Variants in SLC38A1 observed in about 807,000 individuals in gnomAD.
The protein encoded by SLC38A1 is solute carrier family 38 member 1, also known as sodium-coupled neutral amino acid symporter 1.
Under a neutral mutation model 60.3 loss-of-function variants are expected in SLC38A1, and 18 were observed. The observed-to-expected ratio is 0.30, with a 90% CI of 0.21 to 0.44. The LOEUF (loss-of-function observed/expected upper bound fraction) is 0.44, where lower values mean the gene tolerates loss of function less well. SLC38A1 is among the 20% of genes least tolerant of loss of function. The pLI is 1.00. For missense variants in SLC38A1, 448 were observed against 587.2 expected (o/e 0.76, Z 2.45); for synonymous variants, 196 against 212.1 (o/e 0.92, Z 0.66).
At chr12:46,205,878 G>C (rs1242213625) in intron 9 of SLC38A1, among the ~76,000 whole-genome samples, 1 of 152,120 alleles carries the variant, frequency 6.6e-6, no homozygotes, top group Non-Finnish European at 1.5e-5. Flanking sequence ...CAGCTCAGTA[G>C]AGGGATTGTT....
intron 1 of SLC38A1, among the ~76,000 whole-genome samples, chr12:46,266,989 A>G (rs570409901): frequency 1.3e-5 from 2 of 152,284 alleles, no homozygotes; most frequent in South Asian, 4.1e-4. Flanking sequence ...TTGGCATGAG[A>G]CATTTGACAA....
At position 46,197,583 on chromosome 12, in the gene SLC38A1, C is replaced by A; in HGVS notation, c.1362+137G>T. ...CTGATATGATATTTTAAATATCTCC[C>A]AAGTAGCAAAGCTACAGGGCTTCTG... is the stretch of plus-strand genomic sequence containing the variant. On this transcript the variant is annotated intron_variant, in intron 16 of 16. Transcript: ENST00000398637. 4 of 660,626 alleles carry A rather than the reference C, an allele frequency of 6.1e-6. 1 individual carries two copies. The highest frequency in any genetic ancestry group is 5.3e-5 in the South Asian group (3 of 56,766). The allele number at this position is 660,626 out of a possible 1,614,324, so 40.9% of individuals were successfully genotyped here. A position where few individuals can be genotyped will look rare whatever the true frequency, so the allele number is the denominator to read the frequency against.
intron 16 of SLC38A1, among the ~76,000 whole-genome samples, chr12:46,190,088 G>A (rs1939082985): frequency 6.6e-6 from 1 of 151,888 alleles, no homozygotes; most frequent in Non-Finnish European, 1.5e-5. Context: ...CCCTCCCCGG[G>A]CCCCCCACCC....
At chr12:46,250,003 C>G (rs1053576244) in intron 1 of SLC38A1, among the ~76,000 whole-genome samples, 22 of 152,162 alleles carry the variant, frequency 1.4e-4, no homozygotes, top group Non-Finnish European at 2.2e-4. Flanking sequence ...CCCTCATCAT[C>G]TGATACCAAA....
At chr12:46,247,977 G>A (rs1432862140) in intron 1 of SLC38A1, among the ~76,000 whole-genome samples, 2 of 152,132 alleles carry the variant, frequency 1.3e-5, no homozygotes, top group Non-Finnish European at 2.9e-5. Flanking sequence ...TTACAGACAA[G>A]CAAATGCTGA....
chr12:46,229,239 A>G lies in SLC38A1; in HGVS notation c.228T>C (p.Ser76=), dbSNP rs373107483. ...YIPGTTSLGM[S]VFNLSNAIMG... is the part of the protein sequence containing the mutation. ...TAATGGCGTTGCTTAGGTTAAAAAC[A>G]GACATGCCTAAGGAGGTTGTACCTG... The change falls in exon 5 of 17, where the codon TCT becomes TCC. Residue 76 remains serine, a synonymous_variant. Transcript: ENST00000398637. The G allele has an allele frequency of 1.9e-6, 3 of 1,613,114 alleles. No homozygotes were observed. Among genetic ancestry groups the G allele is most frequent in the Non-Finnish European group, 2.5e-6 (3 of 1,179,384 alleles).
chr12:46,229,407 C>T, intron 4 of SLC38A1, 139 bp from the exon 5 acceptor site: 1 of 806,520 alleles, frequency 1.2e-6, no homozygotes, highest in Non-Finnish European at 2.0e-6. Flanking sequence ...CTAGTTATTT[C>T]CTTGAATGGA....
rs1369379223 is a variant in SLC38A1 at position 46,206,234 on chromosome 12, C to A, written c.564-72G>T. The stretch of plus-strand genomic sequence containing the variant: ...TTTTTTCCCCTCCAATGTAAAATTT[C>A]ATGATATCATGATATATATTTTTAT... On this transcript the variant is annotated intron_variant, in intron 8 of 16. Coordinates refer to ENST00000398637, the MANE Select transcript of SLC38A1 (RefSeq NM_030674.4). 4 of 734,844 alleles carry A rather than the reference C, an allele frequency of 5.4e-6. No individual in the cohort carries two copies. In the Admixed American group the frequency reaches 8.0e-5, roughly 15 times the overall value. The allele number at this position is 734,844 out of a possible 1,614,324, so 45.5% of individuals were successfully genotyped here.
chr12:46,225,732 C>G (rs751593828), intron 5 of SLC38A1, among the ~76,000 whole-genome samples: 2 of 152,148 alleles, frequency 1.3e-5, no homozygotes, highest in Non-Finnish European at 2.9e-5. Context: ...GTTTTCCCCC[C>G]ATTCTTGAAG....
intron 1 of SLC38A1, among the ~76,000 whole-genome samples, chr12:46,264,794 A>G (rs1942301916): frequency 6.6e-6 from 1 of 152,114 alleles, no homozygotes; most frequent in Admixed American, 6.5e-5. Context: ...CTGAGTCTCC[A>G]CAGTCCATTA....
chr12:46,236,265 C>G (rs1362280949), intron 3 of SLC38A1, among the ~76,000 whole-genome samples: 2 of 152,084 alleles, frequency 1.3e-5, no homozygotes, highest in Admixed American at 6.5e-5. Flanking sequence ...TAGACCTTGG[C>G]AATGACCTTG....
chr12:46,189,112 A>T, intron 16 of SLC38A1, 41 bp from the exon 17 acceptor site: 1 of 1,540,272 alleles, frequency 6.5e-7, no homozygotes, highest in Non-Finnish European at 9.0e-7. Flanking sequence ...CAGTGCAGCA[A>T]AATTTTTCCA....
At chr12:46,209,558 T>A (rs116787848) in intron 5 of SLC38A1, among the ~76,000 whole-genome samples, 316 of 152,300 alleles carry the variant, frequency 2.1e-3, no homozygotes, top group African/African-American at 7.3e-3. Flanking sequence ...TTGCTTAACA[T>A]TCCCATCTCT....
chr12:46,230,280 G>T (rs1229943602), intron 3 of SLC38A1, among the ~76,000 whole-genome samples: 1 of 152,212 alleles, frequency 6.6e-6, no homozygotes, highest in Admixed American at 6.5e-5. Flanking sequence ...ACGGGGGTAG[G>T]TAATAAGTGA....
At chr12:46,256,114 C>T (rs1423235038) in intron 1 of SLC38A1, among the ~76,000 whole-genome samples, 1 of 145,070 alleles carries the variant, frequency 6.9e-6, no homozygotes, top group Non-Finnish European at 1.5e-5. Context: ...TACAGTGAAT[C>T]GAGATCACGC....
intron 3 of SLC38A1, among the ~76,000 whole-genome samples, chr12:46,235,783 A>T (rs1287467398): frequency 1.3e-5 from 2 of 152,220 alleles, no homozygotes; most frequent in Non-Finnish European, 2.9e-5. Flanking sequence ...GAATTCTTTT[A>T]AAAACAAATC....
chr12:46,226,641 T>C (rs1203520972), intron 5 of SLC38A1, among the ~76,000 whole-genome samples: 2 of 85,776 alleles, frequency 2.3e-5, no homozygotes, highest in East Asian at 5.4e-4. Context: ...TTTTTTTTTT[T>C]TGAGACGGAA....
intron 1 of SLC38A1, among the ~76,000 whole-genome samples, chr12:46,262,208 C>T (rs971134560): frequency 2.0e-5 from 3 of 152,178 alleles, no homozygotes; most frequent in African/African-American, 7.2e-5. Context: ...CCCATATGAT[C>T]TTTTAAATGT....
chr12:46,204,258 A>C (rs1344939443), intron 11 of SLC38A1, 43 bp downstream of exon 11: 1 of 1,209,376 alleles, frequency 8.3e-7, no homozygotes, highest in Non-Finnish European at 1.2e-6. Flanking sequence ...GAATGTCCTT[A>C]ATAAAAATGC....
Sources: allele counts gnomAD v4.1 joint callset (sites outside exome capture counted in the v4.1 genomes callset), GRCh38; gene constraint gnomAD v4.1.1; transcripts MANE v1.5; gene names NCBI Gene and HGNC (gene_info 2026-07-23, HGNC 2026-07-21).